Variants in CSMD1 observed in about 807,000 individuals in gnomAD.
CSMD1 encodes the protein CUB and sushi domain-containing protein 1.
Under a neutral mutation model 417.5 loss-of-function variants are expected in CSMD1, and 213 were observed. That is an observed-to-expected ratio of 0.51 (90% CI 0.46 to 0.57). The LOEUF is 0.57. CSMD1 is among the 20% of genes least tolerant of loss of function. The pLI, the probability that CSMD1 is intolerant of heterozygous loss-of-function variation, is 0.00. For synonymous variants in CSMD1, 2,862 were observed against 1,736.8 expected (o/e 1.65, Z -16.11); for missense variants, 6,923 against 4,529.7 (o/e 1.53, Z -15.17).
intron 57 of CSMD1, among the ~76,000 whole-genome samples, chr8:2,967,465 A>C (rs895276138): frequency 6.6e-6 from 1 of 152,174 alleles, no homozygotes; most frequent in African/African-American, 2.4e-5. Context: ...TACGCTCTTT[A>C]GTCAGTAAAC....
intron 1 of CSMD1, among the ~76,000 whole-genome samples, chr8:4,739,613 T>C (rs1475370790): frequency 6.6e-6 from 1 of 152,160 alleles, no homozygotes; most frequent in Non-Finnish European, 1.5e-5. Flanking sequence ...GAAACCCACA[T>C]GCTCAGTGGT....
At chr8:4,495,354 T>C (rs1801925368) in intron 2 of CSMD1, among the ~76,000 whole-genome samples, 1 of 152,128 alleles carries the variant, frequency 6.6e-6, no homozygotes, top group Non-Finnish European at 1.5e-5. Context: ...GGCGGGCGGA[T>C]CACGAAGTCA....
At chr8:4,279,591 A>C (rs952115803) in intron 3 of CSMD1, among the ~76,000 whole-genome samples, 7 of 152,176 alleles carry the variant, frequency 4.6e-5, no homozygotes, top group African/African-American at 1.7e-4. Flanking sequence ...TTATTGCCCT[A>C]AACAAATAGA....
At chr8:3,821,028 C>T (rs144697982) in intron 5 of CSMD1, among the ~76,000 whole-genome samples, 12,797 of 151,936 alleles carry the variant, frequency 0.084, 1,292 homozygotes, top group African/African-American at 0.24. Flanking sequence ...GCGATTCTCC[C>T]GCCTCAGCCT....
At chr8:4,110,891 G>A (rs1324593912) in intron 3 of CSMD1, among the ~76,000 whole-genome samples, 2 of 151,908 alleles carry the variant, frequency 1.3e-5, no homozygotes, top group Admixed American at 6.6e-5. Flanking sequence ...ATTTTCTTAT[G>A]TCAAAAGACA....
chr8:3,963,508 A>T (rs1342305567), intron 5 of CSMD1, among the ~76,000 whole-genome samples: 1 of 152,208 alleles, frequency 6.6e-6, no homozygotes, highest in African/African-American at 2.4e-5. Context: ...TGGGGTGTAC[A>T]TTTTAAAATT....
chr8:3,953,321 G>A (rs369034859), intron 5 of CSMD1, among the ~76,000 whole-genome samples: 3 of 152,128 alleles, frequency 2.0e-5, no homozygotes, highest in Admixed American at 2.0e-4. Context: ...AGATTATTTA[G>A]CATATATTTT....
At chr8:3,950,920 T>C (rs1283719294) in intron 5 of CSMD1, among the ~76,000 whole-genome samples, 2 of 152,158 alleles carry the variant, frequency 1.3e-5, no homozygotes, top group East Asian at 1.9e-4. Flanking sequence ...AAAACCAATA[T>C]TCATAATAAG....
At chr8:4,837,510 GTA>G (rs1800568566) in intron 1 of CSMD1, among the ~76,000 whole-genome samples, 1 of 152,292 alleles carries the variant, frequency 6.6e-6, no homozygotes, top group African/African-American at 2.4e-5. Context: ...AAACACAAAA[GTA>G]TAGCTTTTTG....
chr8:3,444,001 T>G lies in CSMD1; in HGVS notation c.1561+24711A>C, dbSNP rs567656440. On this transcript the variant is annotated intron_variant, in intron 12 of 69. Coordinates refer to ENST00000635120, the MANE Select transcript of CSMD1 (RefSeq NM_033225.6). The stretch of plus-strand genomic sequence containing the variant: ...GACTACAGATATACAATGGAAGACA[T>G]GAGAAAAAACCTTGCAGTGCTGAAT... Among the ~76,000 whole-genome samples, 6 of 152,172 alleles carry G rather than the reference T, an allele frequency of 3.9e-5. 1 individual carries two copies. Among genetic ancestry groups the G allele is most frequent in the African/African-American group, 1.4e-4 (6 of 41,544 alleles).
intron 7 of CSMD1, among the ~76,000 whole-genome samples, chr8:3,654,331 G>C (rs1797999045): frequency 6.6e-6 from 1 of 152,126 alleles, no homozygotes; most frequent in Non-Finnish European, 1.5e-5. Context: ...ATTCATACTA[G>C]AGTTTGAAAA....
chr8:4,709,436 C>A (rs1010705765), intron 1 of CSMD1, among the ~76,000 whole-genome samples: 33 of 152,112 alleles, frequency 2.2e-4, no homozygotes, highest in African/African-American at 4.8e-5. Context: ...GCCCTGGCCT[C>A]AACACAGGAA....
chr8:3,947,501 C>T (rs1398630817), intron 5 of CSMD1, among the ~76,000 whole-genome samples: 1 of 151,990 alleles, frequency 6.6e-6, no homozygotes, highest in African/African-American at 2.4e-5. Context: ...GTAATATGTA[C>T]TTCATATTTG....
At chr8:3,420,748 A>T (rs1813437529) in intron 12 of CSMD1, among the ~76,000 whole-genome samples, 1 of 152,202 alleles carries the variant, frequency 6.6e-6, no homozygotes, top group African/African-American at 2.4e-5. Flanking sequence ...GGCATAGGTT[A>T]TGGAATACTA....
chr8:3,876,382 A>G (rs923049490), intron 5 of CSMD1, among the ~76,000 whole-genome samples: 2 of 152,302 alleles, frequency 1.3e-5, no homozygotes, highest in Middle Eastern at 3.4e-3. Context: ...AGAGTACTCA[A>G]TAAACTTTCC....
rs186069977 is a variant in CSMD1 at position 3,061,436 on chromosome 8, C to T, written c.7475-8789G>A. On this transcript the variant is annotated intron_variant, in intron 49 of 69. Coordinates refer to ENST00000635120, the MANE Select transcript of CSMD1 (RefSeq NM_033225.6). ...TATTTTTACTTTTCATCAGAATGTT[C>T]GGGACATTTACCATCAAATGTTTTC... Among the ~76,000 whole-genome samples the T allele has an allele frequency of 1.3e-3, 201 of 152,266 alleles. 2 individuals are homozygous for T. Among genetic ancestry groups the T allele is most frequent in the Admixed American group, 6.9e-3 (106 of 15,298 alleles).
intron 5 of CSMD1, among the ~76,000 whole-genome samples, chr8:3,757,484 A>G (rs1171968613): frequency 6.6e-6 from 1 of 152,194 alleles, no homozygotes; most frequent in Non-Finnish European, 1.5e-5. Context: ...TCACTTAACA[A>G]TGTGAAAGCC....
chr8:4,294,033 C>T (rs967234424), intron 3 of CSMD1, among the ~76,000 whole-genome samples: 7 of 152,180 alleles, frequency 4.6e-5, no homozygotes, highest in African/African-American at 1.7e-4. Flanking sequence ...GACTTCTGTT[C>T]TTTATTGCGT....
intron 3 of CSMD1, among the ~76,000 whole-genome samples, chr8:4,118,557 G>C (rs937683304): frequency 2.0e-5 from 3 of 152,190 alleles, no homozygotes; most frequent in Non-Finnish European, 4.4e-5. Context: ...TCTCACGCCA[G>C]TAAAAATGGC....
Sources: allele counts gnomAD v4.1 joint callset (sites outside exome capture counted in the v4.1 genomes callset), GRCh38; gene constraint gnomAD v4.1.1; transcripts MANE v1.5; gene names NCBI Gene and HGNC (gene_info 2026-07-23, HGNC 2026-07-21).